Variants in TPCN2 observed in about 807,000 individuals in gnomAD.
TPCN2 encodes the protein two pore channel protein 2.
Under a neutral mutation model 111.4 loss-of-function variants are expected in TPCN2, and 92 were observed. That is an observed-to-expected ratio of 0.83 (90% confidence interval 0.70 to 0.98). The LOEUF (loss-of-function observed/expected upper bound fraction) is 0.98, where lower values mean the gene tolerates loss of function less well. Among genes scored for constraint, TPCN2 ranks in the 50% least tolerant of loss-of-function variants. The pLI, the probability that TPCN2 is intolerant of heterozygous loss-of-function variation, is 0.00. For synonymous variants in TPCN2, 405 were observed against 414.5 expected, an observed-to-expected ratio of 0.98 and a Z score of 0.28; for missense variants, 995 against 980.1, an observed-to-expected ratio of 1.02 and a Z score of -0.20.
intron 1 of TPCN2, among the ~76,000 whole-genome samples, chr11:69,051,424 C>T (rs1861221339): frequency 6.6e-6 from 1 of 152,200 alleles, no homozygotes; most frequent in African/African-American, 2.4e-5. Context: ...GTACTTAGCT[C>T]CTATTGGGTG....
At chr11:69,086,913 A>G (rs939159784) in intron 23 of TPCN2, among the ~76,000 whole-genome samples, 199 bp from the exon 24 acceptor site, 4 of 116,780 alleles carry the variant, frequency 3.4e-5, no homozygotes, top group African/African-American at 1.2e-4. Flanking sequence ...TCAGGCCCCC[A>G]GGTCGGGCTG....
chr11:69,050,672 C>A (rs1294438165), intron 1 of TPCN2, among the ~76,000 whole-genome samples: 2 of 152,250 alleles, frequency 1.3e-5, no homozygotes, highest in Non-Finnish European at 2.9e-5. Context: ...GCCACTGTGC[C>A]TGGCCATGCT....
intron 1 of TPCN2, among the ~76,000 whole-genome samples, chr11:69,050,966 C>T (rs970201053): frequency 3.3e-5 from 5 of 152,232 alleles, no homozygotes; most frequent in Non-Finnish European, 7.3e-5. Context: ...GTGGACAGGA[C>T]GCTCTGTGTT....
rs3750965 is a variant in TPCN2 at position 69,072,692 on chromosome 11, A to G, written c.1127A>G (p.Lys376Arg). Residue 376 changes from lysine to arginine, a missense_variant, in exon 12 of 25, where the codon AAA becomes AGA. Transcript: ENST00000294309. Reference sequence around the variant, plus strand: ...AAGGTCCAGCTGGACAGCTCCCACAAACAGGCCATGATGGAGGTACCCGCC... The same window carrying G: ...AAGGTCCAGCTGGACAGCTCCCACAGACAGGCCATGATGGAGGTACCCGCC... ...LQKVQLDSSH[K>R]QAMMEKVRSY... is the part of the protein sequence containing the mutation. 0.31 allele frequency: 503,091 copies of G among 1,613,194 alleles called. 81,361 individuals are homozygous for G. Among genetic ancestry groups the G allele is most frequent in the South Asian group, 0.45 (40,968 of 91,052 alleles).
At chr11:69,079,717 TC>T in intron 16 of TPCN2, 116 bp from the exon 17 acceptor site, 1 of 931,832 alleles carries the variant, frequency 1.1e-6, no homozygotes, top group Non-Finnish European at 1.6e-6. Flanking sequence ...CTCTGATTTC[TC>T]CCCAAAAGCC....
At chr11:69,064,047 T>A in intron 7 of TPCN2, 80 bp downstream of exon 7, 2 of 1,369,458 alleles carry the variant, frequency 1.5e-6, no homozygotes, top group Non-Finnish European at 2.1e-6. Flanking sequence ...TGGTGTCTGC[T>A]GCCCTGGCCT....
chr11:69,049,021 G>C lies in TPCN2; in HGVS notation c.24G>C (p.Ser8=). The C allele has an allele frequency of 3.2e-6, 4 of 1,240,600 alleles. No homozygotes were observed. The highest frequency in any genetic ancestry group is 2.0e-6 in the Non-Finnish European group (2 of 988,218). The allele number at this position is 1,240,600 out of a possible 1,614,324, so 76.8% of individuals were successfully genotyped here. ...GGATGGCGGAACCCCAGGCGGAGTC[G>C]GAGCCCCTGCTGGGCGGGGCCCGCG... MAEPQAE[S]EPLLGGARGG... Residue 8 remains serine, a synonymous_variant, in exon 1 of 25, where the codon TCG becomes TCC. Transcript: ENST00000294309.
chr11:69,085,150 G>A (rs1469093837), intron 19 of TPCN2, 60 bp from the exon 20 acceptor site: 7 of 1,459,528 alleles, frequency 4.8e-6, no homozygotes, highest in Non-Finnish European at 6.7e-6. Context: ...TGTCTGGGGA[G>A]GGTGGTGGTG....
At chr11:69,085,402 G>T (rs1856228270) in intron 20 of TPCN2, 116 bp downstream of exon 20, 3 of 1,065,368 alleles carry the variant, frequency 2.8e-6, no homozygotes, top group Admixed American at 1.7e-5. Context: ...TGTTCTCCCA[G>T]TTCCTTCGTC....
chr11:69,086,442 G>C, intron 22 of TPCN2, 81 bp from the exon 23 acceptor site: 1 of 1,192,332 alleles, frequency 8.4e-7, no homozygotes, highest in South Asian at 1.2e-5. Context: ...GAGCTGTCCT[G>C]GCCACGCAGC....
At chr11:69,054,940 G>T (rs1044982418) in intron 3 of TPCN2, 143 bp downstream of exon 3, 60 of 916,910 alleles carry the variant, frequency 6.5e-5, no homozygotes, top group Middle Eastern at 2.2e-4. Context: ...CATCCTCTCT[G>T]GAAAGGAGAC....
chr11:69,087,055 G>A (rs988261056), intron 23 of TPCN2, 57 bp from the exon 24 acceptor site: 5 of 1,507,432 alleles, frequency 3.3e-6, no homozygotes, highest in African/African-American at 2.8e-5. Flanking sequence ...CCGGGGATGG[G>A]GCAAGGCTGC....
chr11:69,083,639 G>A (rs1445841380), intron 18 of TPCN2, among the ~76,000 whole-genome samples: 1 of 152,208 alleles, frequency 6.6e-6, no homozygotes, highest in African/African-American at 2.4e-5. Flanking sequence ...TGGGGTGGAG[G>A]TGTTGGGATG....
In TPCN2 at chr11:69,055,347, G is replaced by A; in HGVS notation, c.424G>A (p.Val142Met). Reference protein sequence around the residue: ...CLLVFAADLSVKGYLFGWAHF... With the variant: ...CLLVFAADLSMKGYLFGWAHF... ...GCTGGTCTTTGCGGCCGACCTCTCT[G>A]TGAAGGTGAGGCGGGCGCCAGGCCC... Residue 142 changes from valine (V) to methionine (M), a missense_variant, in exon 4 of 25, where the codon GTG becomes ATG. Coordinates refer to ENST00000294309, the MANE Select transcript of TPCN2 (RefSeq NM_139075.4). 1 of 1,607,226 alleles carries A rather than the reference G, an allele frequency of 6.2e-7. No homozygotes were observed. Among genetic ancestry groups the A allele is most frequent in the Non-Finnish European group, 8.5e-7 (1 of 1,178,022 alleles).
intron 4 of TPCN2, among the ~76,000 whole-genome samples, chr11:69,056,819 CTGTG>C (rs1854794058): frequency 6.6e-6 from 1 of 151,546 alleles, no homozygotes; most frequent in Admixed American, 6.6e-5. Flanking sequence ...GTGTGAGCCA[CTGTG>C]CCCGGCCGTC....
At position 69,088,680 on chromosome 11, in the gene TPCN2, T is replaced by C. The variant is rs565544796; in HGVS notation, c.*727T>C. On this transcript the variant is annotated 3_prime_UTR_variant, in exon 25 of 25. Coordinates refer to ENST00000294309, the MANE Select transcript of TPCN2 (RefSeq NM_139075.4). ...CTTTTCTGTTTTGCTCAAAGGCATG[T>C]ATAAGCCAATGGGTGACCTTATTTC... is the stretch of plus-strand genomic sequence containing the variant. 1 of 151,814 alleles carries C rather than the reference T, an allele frequency of 6.6e-6. No homozygotes were observed. The highest frequency in any genetic ancestry group is 2.1e-4 in the South Asian group (1 of 4,800). The allele number at this position is 151,814 out of a possible 1,614,324, so 9.4% of individuals were successfully genotyped here. A position where few individuals can be genotyped will look rare whatever the true frequency, so the allele number is the denominator to read the frequency against.
intron 2 of TPCN2, 197 bp from the exon 3 acceptor site, chr11:69,054,524 T>G: frequency 5.0e-6 from 3 of 597,294 alleles, no homozygotes; most frequent in Non-Finnish European, 9.0e-6. Flanking sequence ...GCCTGTGAGG[T>G]CTTGTGTGTT....
At chr11:69,087,788 GCTA>G in intron 24 of TPCN2, 84 bp from the exon 25 acceptor site, 1 of 1,064,658 alleles carries the variant, frequency 9.4e-7, no homozygotes, top group Non-Finnish European at 1.4e-6. Context: ...CGCATGTGTT[GCTA>G]AGCTCTGCTC....
At chr11:69,071,888 G>T in intron 10 of TPCN2, 35 bp from the exon 11 acceptor site, 1 of 1,595,002 alleles carries the variant, frequency 6.3e-7, no homozygotes, top group Non-Finnish European at 8.6e-7. Context: ...CTGGGGGAGG[G>T]CTGATCCTGC....
Sources: allele counts gnomAD v4.1 joint callset (sites outside exome capture counted in the v4.1 genomes callset), GRCh38; gene constraint gnomAD v4.1.1; transcripts MANE v1.5; gene names NCBI Gene and HGNC (gene_info 2026-07-23, HGNC 2026-07-21).